The following ESRRG variants were observed in gnomAD, a reference collection of about 807,000 sequenced individuals.
ESRRG encodes the protein estrogen related receptor gamma, also known as estrogen-related receptor gamma.
In ESRRG, 13 loss-of-function variants were observed where a neutral mutation model predicts 44.0. That is an observed-to-expected ratio of 0.30 (90% CI 0.19 to 0.47). The LOEUF (loss-of-function observed/expected upper bound fraction) is 0.47. Ranked by LOEUF, ESRRG falls within the 20% of genes least tolerant of loss-of-function variation. The pLI is 1.00. For synonymous variants in ESRRG, 215 were observed against 214.6 expected, an observed-to-expected ratio of 1.00 and a Z score of -0.02; for missense variants, 395 against 580.6, an observed-to-expected ratio of 0.68 and a Z score of 3.29.
chr1:216,991,018 G>A (rs143150821), intron 1 of ESRRG, among the ~76,000 whole-genome samples: 14 of 152,118 alleles, frequency 9.2e-5, no homozygotes, highest in South Asian at 8.3e-4. Context: ...ACAGGGAGGC[G>A]AGCACTACCA....
At position 216,995,103 on chromosome 1, in the gene ESRRG, A is replaced by G. The variant is rs150694906; in HGVS notation, c.-105-55430T>C. Among the ~76,000 whole-genome samples the G allele has an allele frequency of 1.5e-3, 229 of 152,332 alleles. 3 individuals carry two copies. The highest frequency in any genetic ancestry group is 5.3e-3 in the African/African-American group (222 of 41,578). On this transcript the variant is annotated intron_variant, in intron 1 of 7. Transcript: ENST00000359162. The stretch of plus-strand genomic sequence containing the variant: ...AGACGACTGAGATGACTCTTCTGAA[A>G]TAGAACCTTTCCTCAGGACTCAGGA...
intron 2 of ESRRG, among the ~76,000 whole-genome samples, chr1:216,758,037 C>T (rs940333031): frequency 6.6e-6 from 1 of 152,008 alleles, no homozygotes; most frequent in African/African-American, 2.4e-5. Flanking sequence ...GAAAACTTGT[C>T]ATGAAATTAT....
At position 216,999,549 on chromosome 1, in the gene ESRRG, G is replaced by A. The variant is rs554356580; in HGVS notation, c.-105-59876C>T. 8.6e-5 allele frequency among the ~76,000 whole-genome samples: 13 copies of A among 152,030 alleles called. No individual in the cohort carries two copies. In the South Asian group the frequency reaches 1.0e-3, roughly 12 times the overall value. ...GATTCAAGCCCATCCCAGGTCTATC[G>A]GACTCCAAATTTCTCATTTTTCTTC... On this transcript the variant is annotated intron_variant, in intron 1 of 7. Coordinates refer to the ESRRG transcript ENST00000359162.
At chr1:216,925,600 G>T (rs184629377) in intron 2 of ESRRG, among the ~76,000 whole-genome samples, 1 of 151,674 alleles carries the variant, frequency 6.6e-6, no homozygotes, top group Non-Finnish European at 1.5e-5. Flanking sequence ...CAGGGATTGG[G>T]TTTTTGTTTT....
chr1:216,887,406 A>G (rs1321867766), intron 2 of ESRRG, among the ~76,000 whole-genome samples: 1 of 152,182 alleles, frequency 6.6e-6, no homozygotes, highest in Non-Finnish European at 1.5e-5. Flanking sequence ...AGCACTTTAA[A>G]TTCTGAGACT....
chr1:216,750,407 T>G (rs1162110056), intron 2 of ESRRG, among the ~76,000 whole-genome samples: 3 of 152,178 alleles, frequency 2.0e-5, no homozygotes, highest in African/African-American at 7.2e-5. Context: ...TTTTCAAAGC[T>G]CTGCATTAAA....
intron 2 of ESRRG, among the ~76,000 whole-genome samples, chr1:216,767,689 G>A (rs573275834): frequency 6.6e-6 from 1 of 152,238 alleles, no homozygotes. Context: ...TGGCACAAGA[G>A]AATCCTTTAC....
intron 2 of ESRRG, among the ~76,000 whole-genome samples, chr1:216,669,636 A>C (rs1575061279): frequency 6.6e-6 from 1 of 152,356 alleles, no homozygotes; most frequent in East Asian, 1.9e-4. Flanking sequence ...CTGTGATCCC[A>C]GCACTTGGGG....
At chr1:216,876,636 A>G (rs2096359083) in intron 2 of ESRRG, among the ~76,000 whole-genome samples, 1 of 150,822 alleles carries the variant, frequency 6.6e-6, no homozygotes, top group Admixed American at 6.6e-5. Context: ...ATGCTGAGGC[A>G]TTTGTACACT....
intron 5 of ESRRG, among the ~76,000 whole-genome samples, chr1:216,544,995 C>T (rs1292015849): frequency 6.6e-6 from 1 of 151,714 alleles, no homozygotes; most frequent in African/African-American, 2.4e-5. Flanking sequence ...CAAGTAATTG[C>T]CTGGTATTTA....
intron 2 of ESRRG, among the ~76,000 whole-genome samples, chr1:216,751,801 C>T (rs1217414485): frequency 6.7e-6 from 1 of 150,226 alleles, no homozygotes; most frequent in Non-Finnish European, 1.5e-5. Context: ...GACTGTTTAT[C>T]GTATTAGATG....
At chr1:216,890,608 T>C (rs1378037542) in intron 2 of ESRRG, among the ~76,000 whole-genome samples, 3 of 152,196 alleles carry the variant, frequency 2.0e-5, no homozygotes, top group African/African-American at 7.2e-5. Flanking sequence ...AGTGAACATT[T>C]ATTGAGCAAT....
At chr1:216,633,333 G>C (rs1014759810) in intron 3 of ESRRG, among the ~76,000 whole-genome samples, 1 of 152,204 alleles carries the variant, frequency 6.6e-6, no homozygotes, top group Admixed American at 6.5e-5. Flanking sequence ...GCTTGCAGGG[G>C]CTGGCAGGCT....
intron 1 of ESRRG, among the ~76,000 whole-genome samples, chr1:217,130,390 G>T (rs182065958): frequency 6.6e-6 from 1 of 152,170 alleles, no homozygotes; most frequent in East Asian, 1.9e-4. Flanking sequence ...GCACCACCAT[G>T]CCTGGCTAAT....
intron 5 of ESRRG, among the ~76,000 whole-genome samples, chr1:216,542,318 G>C (rs372288722): frequency 1.3e-5 from 2 of 151,686 alleles, no homozygotes; most frequent in South Asian, 2.1e-4. Flanking sequence ...TTCTCTCTTG[G>C]AAGAATAAAA....
intron 1 of ESRRG, among the ~76,000 whole-genome samples, chr1:217,100,093 G>A (rs566631236): frequency 6.6e-6 from 1 of 152,160 alleles, no homozygotes; most frequent in South Asian, 2.1e-4. Flanking sequence ...CTTCAAAATA[G>A]TCACTTGGGG....
intron 1 of ESRRG, among the ~76,000 whole-genome samples, chr1:216,983,239 A>T (rs1289091607): frequency 6.8e-6 from 1 of 148,140 alleles, no homozygotes; most frequent in Non-Finnish European, 1.5e-5. Context: ...TGATTTTTTT[A>T]TTTTTTTTTT....
chr1:216,745,003 G>T (rs534354493), intron 2 of ESRRG, among the ~76,000 whole-genome samples: 5 of 152,134 alleles, frequency 3.3e-5, no homozygotes, highest in African/African-American at 9.7e-5. Flanking sequence ...TCAAGAAATT[G>T]CTGGCTGAGC....
chr1:216,742,122 GAGCCTGGGTATCAC>G (rs2090822154), intron 2 of ESRRG, among the ~76,000 whole-genome samples: 1 of 152,094 alleles, frequency 6.6e-6, no homozygotes, highest in Non-Finnish European at 1.5e-5. Flanking sequence ...CTGCTTCACA[GAGCCTGGGTATCAC>G]AGCCTTCACG....
Sources: allele counts gnomAD v4.1 joint callset (sites outside exome capture counted in the v4.1 genomes callset), GRCh38; gene constraint gnomAD v4.1.1; transcripts MANE v1.5; gene names NCBI Gene and HGNC (gene_info 2026-07-23, HGNC 2026-07-21).